The following PPP1R9A variants were observed in gnomAD, a reference collection of about 807,000 sequenced individuals.
PPP1R9A encodes neurabin-1.
A neutral mutation model predicts 141.9 loss-of-function variants in PPP1R9A; 59 were observed. That is an observed-to-expected ratio of 0.42 (90% CI 0.34 to 0.52). The LOEUF (loss-of-function observed/expected upper bound fraction) is 0.52. Among genes scored for constraint, PPP1R9A ranks in the 20% least tolerant of loss-of-function variants. The pLI is 0.10. For synonymous variants in PPP1R9A, 500 were observed against 569.7 expected (o/e 0.88, Z 1.74); for missense variants, 1,444 against 1,611.9 (o/e 0.90, Z 1.78).
At chr7:94,913,036 A>C (rs1231289540) in intron 2 of PPP1R9A, among the ~76,000 whole-genome samples, 1 of 152,190 alleles carries the variant, frequency 6.6e-6, no homozygotes, top group East Asian at 1.9e-4. Flanking sequence ...GAAAGCAATA[A>C]GATTAAATCG....
At chr7:95,280,779 T>A (rs954693822) in intron 16 of PPP1R9A, among the ~76,000 whole-genome samples, 14 of 152,016 alleles carry the variant, frequency 9.2e-5, no homozygotes, top group African/African-American at 3.4e-4. Flanking sequence ...CCAATCTCGA[T>A]TTTGGGGAGA....
intron 14 of PPP1R9A, 130 bp downstream of exon 14, chr7:95,269,637 T>C (rs1563533781): frequency 1.4e-6 from 1 of 696,464 alleles, no homozygotes; most frequent in South Asian, 3.4e-5. Context: ...TTTTATATTA[T>C]AGAATAAGAG....
intron 5 of PPP1R9A, among the ~76,000 whole-genome samples, chr7:95,168,158 G>A (rs1448767457): frequency 2.0e-5 from 3 of 152,180 alleles, no homozygotes; most frequent in South Asian, 2.1e-4. Context: ...CAAGGCTTTA[G>A]TAACCAGAAC....
At chr7:95,257,155 A>C (rs2153021428) in intron 12 of PPP1R9A, among the ~76,000 whole-genome samples, 1 of 152,310 alleles carries the variant, frequency 6.6e-6, no homozygotes, top group South Asian at 2.1e-4. Context: ...CTCCTGAGGA[A>C]GAACAAGGTG....
At chr7:95,103,551 G>A (rs1819102212) in intron 2 of PPP1R9A, among the ~76,000 whole-genome samples, 1 of 151,684 alleles carries the variant, frequency 6.6e-6, no homozygotes, top group African/African-American at 2.4e-5. Context: ...TGTATTTTTA[G>A]TAGAGACGGG....
At chr7:95,288,401 T>C (rs1037576006) in intron 18 of PPP1R9A, 135 bp from the exon 19 acceptor site, 49 of 1,291,058 alleles carry the variant, frequency 3.8e-5, no homozygotes, top group Non-Finnish European at 4.9e-5. Flanking sequence ...CTAACACCAC[T>C]AGAACCATTA....
At chr7:95,176,702 C>T (rs1231289974) in intron 5 of PPP1R9A, among the ~76,000 whole-genome samples, 1 of 151,658 alleles carries the variant, frequency 6.6e-6, no homozygotes, top group Non-Finnish European at 1.5e-5. Flanking sequence ...AAACACTGGA[C>T]ACACTTATAG....
intron 2 of PPP1R9A, among the ~76,000 whole-genome samples, chr7:94,947,664 T>C (rs557166587): frequency 1.6e-4 from 25 of 152,214 alleles, no homozygotes; most frequent in African/African-American, 5.8e-4. Context: ...GTGTCACTTA[T>C]GTTGAGAAGA....
chr7:94,951,622 T>G (rs1418927071), intron 2 of PPP1R9A, among the ~76,000 whole-genome samples: 1 of 145,554 alleles, frequency 6.9e-6, no homozygotes, highest in Non-Finnish European at 1.5e-5. Context: ...TTTGCTAATA[T>G]TTTTTTCAGA....
At chr7:94,955,918 G>T (rs1194693602) in intron 2 of PPP1R9A, among the ~76,000 whole-genome samples, 6 of 152,094 alleles carry the variant, frequency 3.9e-5, no homozygotes. Context: ...TTGGTTACCT[G>T]CCTTCATGAT....
chr7:95,226,026 G>A lies in PPP1R9A; in HGVS notation c.2022G>A (p.Met674Ile), dbSNP rs1795102549. ...EVGPVLPGSDMAIEVFELPEN... is the reference protein window; with the variant it reads ...EVGPVLPGSDIAIEVFELPEN... ...GACCTGTCCTTCCTGGCAGCGACAT[G>A]GCCATTGAAGTCTTTGAGCTGCCTG... The change falls in exon 8 of 20, where the codon ATG becomes ATA. Residue 674 changes from methionine to isoleucine, a missense_variant. Coordinates refer to ENST00000433360, the MANE Select transcript of PPP1R9A (RefSeq NM_001166160.2). 1 of 1,613,596 alleles carries A rather than the reference G, an allele frequency of 6.2e-7. No homozygotes were observed. The highest frequency in any genetic ancestry group is 8.5e-7 in the Non-Finnish European group (1 of 1,179,658).
chr7:95,275,018 G>C (rs1802900404), intron 16 of PPP1R9A, among the ~76,000 whole-genome samples: 1 of 152,112 alleles, frequency 6.6e-6, no homozygotes, highest in Non-Finnish European at 1.5e-5. Context: ...GAATAATAAA[G>C]ATAACAATTT....
chr7:95,082,620 A>G (rs970591013), intron 2 of PPP1R9A, among the ~76,000 whole-genome samples: 2 of 151,762 alleles, frequency 1.3e-5, no homozygotes, highest in African/African-American at 4.9e-5. Context: ...TGTGCCTGTA[A>G]TTCCAGCTAC....
In PPP1R9A at chr7:95,290,115, G is replaced by A; in HGVS notation, c.3937G>A (p.Asp1313Asn). ...GGCTCTTGGAATGACAGCATCCCAG[G>A]ACCGAGCAGTGGTCAAAAAGAAACT... ...LKALGMTASQ[D>N]RAVVKKKLKE... Residue 1313 changes from aspartate to asparagine, a missense_variant, in exon 20 of 20, where the codon GAC becomes AAC. Asp to Asn is a conservative substitution (Grantham distance 23). Coordinates refer to ENST00000433360, the MANE Select transcript of PPP1R9A (RefSeq NM_001166160.2). 9 of 1,613,926 alleles carry A rather than the reference G, an allele frequency of 5.6e-6. No homozygotes were observed. Among genetic ancestry groups the A allele is most frequent in the East Asian group, 4.5e-5 (2 of 44,870 alleles).
intron 2 of PPP1R9A, among the ~76,000 whole-genome samples, chr7:95,098,032 C>T (rs185455079): frequency 1.3e-5 from 2 of 152,234 alleles, no homozygotes; most frequent in Non-Finnish European, 2.9e-5. Flanking sequence ...AACTTCAGCT[C>T]TGCTCTTCAG....
chr7:95,199,348 A>G (rs1307261660), intron 6 of PPP1R9A, among the ~76,000 whole-genome samples: 1 of 152,240 alleles, frequency 6.6e-6, no homozygotes, highest in Admixed American at 6.5e-5. Context: ...CAGGTAAAAC[A>G]AATATTCTTC....
At chr7:94,950,764 T>G (rs1796379261) in intron 2 of PPP1R9A, among the ~76,000 whole-genome samples, 1 of 152,182 alleles carries the variant, frequency 6.6e-6, no homozygotes, top group East Asian at 1.9e-4. Flanking sequence ...TCATTTTTTC[T>G]GAGACAAGGT....
At chr7:95,150,549 C>T (rs1828476204) in intron 4 of PPP1R9A, among the ~76,000 whole-genome samples, 2 of 152,062 alleles carry the variant, frequency 1.3e-5, no homozygotes, top group South Asian at 4.1e-4. Context: ...GTTATCTGCC[C>T]GTCTGAGCCC....
chr7:95,179,955 G>A (rs1382106428), intron 5 of PPP1R9A, among the ~76,000 whole-genome samples: 1 of 152,036 alleles, frequency 6.6e-6, no homozygotes. Flanking sequence ...ACTGACAAAA[G>A]CAATCTCCAA....
Sources: gnomAD v4.1 joint callset for allele counts (sites outside exome capture counted in the v4.1 genomes callset) on GRCh38, gnomAD v4.1.1 for gene constraint, MANE v1.5 for transcripts, NCBI Gene and HGNC (gene_info 2026-07-23, HGNC 2026-07-21) for gene names.